The following ZNF474 variants were observed in gnomAD, a reference collection of about 807,000 sequenced individuals.
ZNF474 encodes the protein 4933409D10Rik.
For synonymous variants in ZNF474, 192 were observed against 162.2 expected (o/e 1.18, Z -1.39); for missense variants, 511 against 433.8 (o/e 1.18, Z -1.58).
At chr5:122,148,800 G>A (rs967478359) in intron 1 of ZNF474, among the ~76,000 whole-genome samples, 7 of 151,514 alleles carry the variant, frequency 4.6e-5, no homozygotes, top group South Asian at 2.1e-4. Flanking sequence ...GCAATGGCGC[G>A]ATCTTGGCTC....
intron 1 of ZNF474, among the ~76,000 whole-genome samples, chr5:122,141,709 G>C (rs1755851394): frequency 6.6e-6 from 1 of 152,140 alleles, no homozygotes; most frequent in Non-Finnish European, 1.5e-5. Context: ...AAAGTGCTGG[G>C]ATTACAGGCA....
rs150890057 is a variant in ZNF474 at position 122,137,802 on chromosome 5, G to A, written c.-213+8119G>A. 2.6e-3 allele frequency among the ~76,000 whole-genome samples: 395 copies of A among 152,310 alleles called. 2 individuals are homozygous for A. The highest frequency in any genetic ancestry group is 4.3e-3 in the Non-Finnish European group (295 of 68,030). ...TTTTGAGAGTAGTGGGACAACCATG[G>A]AGCAGTCAGTCAGCAGAGGTTTAAG... is the stretch of plus-strand genomic sequence containing the variant. On this transcript the variant is annotated intron_variant, in intron 1 of 1. Coordinates refer to ENST00000296600, the MANE Select transcript of ZNF474 (RefSeq NM_207317.3).
intron 1 of ZNF474, among the ~76,000 whole-genome samples, chr5:122,136,009 A>T (rs1755691408): frequency 6.6e-6 from 1 of 152,138 alleles, no homozygotes; most frequent in Non-Finnish European, 1.5e-5. Context: ...TGGGAAATGA[A>T]TAAATAGGGG....
chr5:122,137,178 TAA>T (rs1396202430), intron 1 of ZNF474, among the ~76,000 whole-genome samples: 28 of 151,928 alleles, frequency 1.8e-4, no homozygotes, highest in Non-Finnish European at 2.8e-4. Context: ...GGTGGGTGTG[TAA>T]GTGTGTGTGT....
chr5:122,137,608 C>G (rs752780876), intron 1 of ZNF474, among the ~76,000 whole-genome samples: 1 of 152,052 alleles, frequency 6.6e-6, no homozygotes, highest in Non-Finnish European at 1.5e-5. Flanking sequence ...TCTTCCCAGT[C>G]CCTCCCCCAG....
At chr5:122,145,120 A>T (rs1054707096) in intron 1 of ZNF474, among the ~76,000 whole-genome samples, 1 of 152,228 alleles carries the variant, frequency 6.6e-6, no homozygotes, top group Non-Finnish European at 1.5e-5. Context: ...AGATTGAATG[A>T]AAGTGAAAGA....
chr5:122,152,182 G>C lies in ZNF474; in HGVS notation c.192G>C (p.Gly64=). The change falls in exon 2 of 2, where the codon GGG becomes GGC. Residue 64 remains glycine, a synonymous_variant. Transcript: ENST00000296600. The part of the protein sequence containing the change: ...IKTDTQKKRP[G]TVILSKLSSR... ...CAGACACTCAGAAAAAGAGACCTGG[G>C]ACTGTGATACTATCAAAACTGTCAA... is the stretch of plus-strand genomic sequence containing the variant. The C allele has an allele frequency of 1.2e-6, 2 of 1,614,128 alleles. No homozygotes were observed. The highest frequency in any genetic ancestry group is 1.1e-5 in the South Asian group (1 of 91,078).
intron 1 of ZNF474, among the ~76,000 whole-genome samples, chr5:122,137,106 G>A (rs1381149974): frequency 6.6e-6 from 1 of 152,144 alleles, no homozygotes; most frequent in African/African-American, 2.4e-5. Flanking sequence ...GGATGGTGAT[G>A]GTGATATCAG....
chr5:122,140,673 C>G (rs559768869), intron 1 of ZNF474, among the ~76,000 whole-genome samples: 3 of 152,206 alleles, frequency 2.0e-5, no homozygotes, highest in East Asian at 1.9e-4. Flanking sequence ...TAAGGGACCC[C>G]CATCTTTGGG....
At chr5:122,131,456 C>T (rs1755575411) in intron 1 of ZNF474, among the ~76,000 whole-genome samples, 1 of 151,946 alleles carries the variant, frequency 6.6e-6, no homozygotes, top group East Asian at 1.9e-4. Context: ...TATAAACATA[C>T]AATAGAATAT....
intron 1 of ZNF474, among the ~76,000 whole-genome samples, chr5:122,143,027 A>G (rs996279003): frequency 1.3e-5 from 2 of 152,098 alleles, no homozygotes; most frequent in African/African-American, 4.8e-5. Context: ...TTATTAACAA[A>G]GGGTGTTGAT....
At chr5:122,136,816 T>G (rs1009710034) in intron 1 of ZNF474, among the ~76,000 whole-genome samples, 3 of 152,196 alleles carry the variant, frequency 2.0e-5, no homozygotes, top group Non-Finnish European at 2.9e-5. Flanking sequence ...CTCATATAAA[T>G]AATGAACTTC....
At position 122,153,150 on chromosome 5, in the gene ZNF474, C is replaced by A. The variant is rs1016630933; in HGVS notation, c.*65C>A. 3.3e-6 allele frequency: 5 copies of A among 1,536,342 alleles called. No homozygotes were observed. Among genetic ancestry groups the A allele is most frequent in the Non-Finnish European group, 4.4e-6 (5 of 1,144,688 alleles). ...GCCCCTAGTATTTTTTCTATCAATGCCTTGTATCAGCCTCAAAGCAGCCTG... is the reference window on the plus strand; with the variant it reads ...GCCCCTAGTATTTTTTCTATCAATGACTTGTATCAGCCTCAAAGCAGCCTG... On this transcript the variant is annotated 3_prime_UTR_variant, in exon 2 of 2. Transcript: ENST00000296600.
At position 122,129,627 on chromosome 5, in the gene ZNF474, C is replaced by T. The variant is rs112500550; in HGVS notation, c.-269C>T. On this transcript the variant is annotated 5_prime_UTR_variant, in exon 1 of 2. Transcript: ENST00000296600. ...TATTCTGTTCCTGTTTCTGTCAGCT[C>T]CTTCCCTGAAAACTCAGAGGTGCTC... The T allele has an allele frequency of 6.6e-6, 1 of 152,184 alleles. No individual in the cohort carries two copies. Among genetic ancestry groups the T allele is most frequent in the Non-Finnish European group, 1.5e-5 (1 of 68,042 alleles). 9.4% of individuals were successfully genotyped at this position (152,184 alleles called of 1,614,324 possible).
chr5:122,146,001 T>A (rs145134220), intron 1 of ZNF474, among the ~76,000 whole-genome samples: 1 of 152,106 alleles, frequency 6.6e-6, no homozygotes, highest in Non-Finnish European at 1.5e-5. Flanking sequence ...TTTTACAAAT[T>A]TGGTTGGATT....
At chr5:122,135,824 A>C (rs980651134) in intron 1 of ZNF474, among the ~76,000 whole-genome samples, 1 of 152,158 alleles carries the variant, frequency 6.6e-6, no homozygotes. Context: ...AAAGAGTAAA[A>C]TCCTGTCATT....
intron 1 of ZNF474, among the ~76,000 whole-genome samples, chr5:122,149,864 C>G (rs564993671): frequency 1.3e-5 from 2 of 149,196 alleles, no homozygotes; most frequent in South Asian, 4.3e-4. Context: ...GTATTCTAAT[C>G]TGCTGGAAAC....
At chr5:122,143,234 G>A (rs1051887324) in intron 1 of ZNF474, among the ~76,000 whole-genome samples, 1 of 152,110 alleles carries the variant, frequency 6.6e-6, no homozygotes, top group African/African-American at 2.4e-5. Context: ...TAGCAGCTCC[G>A]TTCATGCACA....
intron 1 of ZNF474, among the ~76,000 whole-genome samples, chr5:122,148,818 A>G (rs1580608521): frequency 6.6e-6 from 1 of 151,622 alleles, no homozygotes; most frequent in Non-Finnish European, 1.5e-5. Flanking sequence ...CTCTCTGCAA[A>G]CTCTGCCTCC....
Sources: allele counts gnomAD v4.1 joint callset (sites outside exome capture counted in the v4.1 genomes callset), GRCh38; gene constraint gnomAD v4.1.1; transcripts MANE v1.5; gene names NCBI Gene and HGNC (gene_info 2026-07-23, HGNC 2026-07-21).